Variants in ANO6 observed in about 807,000 individuals in gnomAD.
The protein encoded by ANO6 is anoctamin-6.
A neutral mutation model predicts 117.5 loss-of-function variants in ANO6; 106 were observed. The ratio of observed to expected loss-of-function variants is 0.90; its 90% CI spans 0.77 to 1.06. ANO6 has a LOEUF of 1.06. Among genes scored for constraint, ANO6 ranks in the 50% least tolerant of loss-of-function variants. The pLI is 0.00. For missense variants in ANO6, 955 were observed against 1,121.1 expected (o/e 0.85, Z 2.12); for synonymous variants, 367 against 385.1 (o/e 0.95, Z 0.55).
chr12:45,420,586 C>T (rs75845770), intron 17 of ANO6, among the ~76,000 whole-genome samples: 3,177 of 152,196 alleles, frequency 0.021, 41 homozygotes, highest in Non-Finnish European at 0.032. Context: ...GCCTGGGCAA[C>T]AGAGCAAGAT....
intron 1 of ANO6, among the ~76,000 whole-genome samples, chr12:45,240,529 T>TG (rs1316715905): frequency 1.3e-5 from 2 of 151,994 alleles, no homozygotes; most frequent in African/African-American, 4.8e-5. Flanking sequence ...GTCTTTTAAC[T>TG]GGGGCATTTA....
At position 45,417,797 on chromosome 12, in the gene ANO6, C is replaced by T. The variant is rs114772232; in HGVS notation, c.2217+893C>T. Among the ~76,000 whole-genome samples, 458 of 152,236 alleles carry T rather than the reference C, an allele frequency of 3.0e-3. 2 individuals carry two copies. The highest frequency in any genetic ancestry group is 0.01 in the African/African-American group (426 of 41,554). On this transcript the variant is annotated intron_variant, in intron 17 of 19. Transcript: ENST00000320560. ...AGCCACATCTTCCCTGAGTCCCCAG[C>T]CAAAACAACAGAAGTTGGCAGTGCC...
chr12:45,394,621 G>T (rs1216761517), intron 12 of ANO6, among the ~76,000 whole-genome samples: 4 of 152,198 alleles, frequency 2.6e-5, no homozygotes, highest in Non-Finnish European at 5.9e-5. Context: ...AAATGTGAAA[G>T]AACAGAAATC....
At chr12:45,362,991 CTTTT>C (rs541513824) in intron 8 of ANO6, among the ~76,000 whole-genome samples, 1 of 150,818 alleles carries the variant, frequency 6.6e-6, no homozygotes, top group South Asian at 2.1e-4. Flanking sequence ...TCTATCTCTG[CTTTT>C]TTTTTCTGTA....
At chr12:45,294,738 C>T (rs1385217885) in intron 1 of ANO6, among the ~76,000 whole-genome samples, 3 of 152,090 alleles carry the variant, frequency 2.0e-5, no homozygotes, top group Non-Finnish European at 4.4e-5. Context: ...CAACATTGCC[C>T]AGAACGTTGT....
Position 45,302,490 on chromosome 12 carries a change from G to A in ANO6, c.150+397G>A, listed in dbSNP as rs547167593. Among the ~76,000 whole-genome samples the A allele has an allele frequency of 7.7e-4, 118 of 152,272 alleles. 1 individual carries two copies. The South Asian group carries it at 8.1e-3, about 10-fold the overall frequency. The stretch of plus-strand genomic sequence containing the variant: ...GTGCCAGTCACTGGTAGCGAACATA[G>A]TCTACTTTCCCTTTCATCCTGGAGC... On this transcript the variant is annotated intron_variant, in intron 2 of 19. Transcript: ENST00000320560.
chr12:45,290,540 G>C (rs1425685245), intron 1 of ANO6, among the ~76,000 whole-genome samples: 1 of 152,148 alleles, frequency 6.6e-6, no homozygotes, highest in Non-Finnish European at 1.5e-5. Context: ...GAGAGCCTGA[G>C]GGTCTTAGGA....
At chr12:45,440,170 C>T in exon 20 of ANO6, 1 of 361,446 alleles carries the variant, frequency 2.8e-6, no homozygotes, top group Non-Finnish European at 4.8e-6. Flanking sequence ...CCTTGTTTTG[C>T]TTTTCAATCT....
chr12:45,232,190 C>T (rs552680884), intron 1 of ANO6, among the ~76,000 whole-genome samples: 2 of 152,230 alleles, frequency 1.3e-5, no homozygotes, highest in East Asian at 3.9e-4. Context: ...TTCAATAGAG[C>T]TTATATTCTA....
At chr12:45,276,896 A>G (rs1938572029) in intron 1 of ANO6, among the ~76,000 whole-genome samples, 1 of 152,186 alleles carries the variant, frequency 6.6e-6, no homozygotes, top group Non-Finnish European at 1.5e-5. Flanking sequence ...TAGAATGTTT[A>G]CATAACTCAA....
chr12:45,341,987 T>A (rs1396340568), intron 3 of ANO6, among the ~76,000 whole-genome samples: 1 of 152,154 alleles, frequency 6.6e-6, no homozygotes, highest in Non-Finnish European at 1.5e-5. Context: ...TCATGCTTAA[T>A]CCTTAAAACA....
intron 7 of ANO6, 77 bp downstream of exon 7, chr12:45,350,851 C>A: frequency 1.6e-6 from 2 of 1,220,414 alleles, no homozygotes; most frequent in South Asian, 1.3e-5. Context: ...TGACAGTACT[C>A]ATCAAGACTC....
chr12:45,423,823 C>G (rs1342964310), intron 19 of ANO6, among the ~76,000 whole-genome samples: 1 of 152,152 alleles, frequency 6.6e-6, no homozygotes, highest in Admixed American at 6.5e-5. Context: ...CACATCCAGT[C>G]CTTTTTGTCA....
chr12:45,229,228 G>A (rs2137136151), intron 1 of ANO6, among the ~76,000 whole-genome samples: 1 of 152,174 alleles, frequency 6.6e-6, no homozygotes, highest in Admixed American at 6.5e-5. Context: ...CCTTAATTTG[G>A]CCAAGGGTGT....
intron 9 of ANO6, among the ~76,000 whole-genome samples, chr12:45,373,587 T>C (rs1439417703): frequency 3.3e-5 from 5 of 152,130 alleles, no homozygotes; most frequent in African/African-American, 1.2e-4. Context: ...ACATGGAAAC[T>C]GAACAACCTG....
Position 45,430,834 on chromosome 12 carries a change from C to T in ANO6, c.*1523C>T, listed in dbSNP as rs1415963365. On this transcript the variant is annotated 3_prime_UTR_variant, in exon 20 of 20. Coordinates refer to ENST00000320560, the MANE Select transcript of ANO6 (RefSeq NM_001025356.3). ...AGACAGGGAGCCAGGCCCTCTCACC[C>T]CTACTGGTAACAGGTCATTGCTGGG... 1.0e-6 allele frequency: 1 copy of T among 985,342 alleles called. No individual in the cohort carries two copies. Among genetic ancestry groups the T allele is most frequent in the Non-Finnish European group, 1.2e-6 (1 of 830,008 alleles). The allele number at this position is 985,342 out of a possible 1,614,324, so 61.0% of individuals were successfully genotyped here.
At position 45,387,017 on chromosome 12, in the gene ANO6, C is replaced by T. The variant is rs557332599; in HGVS notation, c.1166-1144C>T. ...TAATAATCAACTATACCTGTCAGTT[C>T]AAGGACAGCATAATTCTCATATGCC... On this transcript the variant is annotated intron_variant, in intron 10 of 19. Coordinates refer to ENST00000320560, the MANE Select transcript of ANO6 (RefSeq NM_001025356.3). Among the ~76,000 whole-genome samples the T allele has an allele frequency of 3.3e-5, 5 of 152,364 alleles. No homozygotes were observed. The South Asian group carries it at 1.0e-3, about 32-fold the overall frequency.
chr12:45,335,483 A>G (rs1210448006), intron 3 of ANO6: 1 of 151,970 alleles, frequency 6.6e-6, no homozygotes, highest in East Asian at 1.9e-4. Flanking sequence ...GAGATCTACT[A>G]TCCTTTAAGT....
chr12:45,227,016 T>C (rs1042249370), intron 1 of ANO6, among the ~76,000 whole-genome samples: 1 of 140,464 alleles, frequency 7.1e-6, no homozygotes, highest in East Asian at 2.1e-4. Context: ...GAAGATGGAG[T>C]CTTGCTCTGT....
Sources: gnomAD v4.1 joint callset for allele counts (sites outside exome capture counted in the v4.1 genomes callset) on GRCh38, gnomAD v4.1.1 for gene constraint, MANE v1.5 for transcripts, NCBI Gene and HGNC (gene_info 2026-07-23, HGNC 2026-07-21) for gene names.